MEI4: variants seen among roughly 807,000 people sequenced by gnomAD.
MEI4 encodes the protein meiosis-specific protein MEI4.
A neutral mutation model predicts 31.4 loss-of-function variants in MEI4; 27 were observed. The observed-to-expected ratio is 0.86, with a 90% CI of 0.63 to 1.19. The LOEUF is 1.19. Among genes scored for constraint, MEI4 ranks in the 50% most tolerant of loss-of-function variants. The probability of loss-of-function intolerance (pLI) is 0.00; values close to 1 mark genes in which losing one functional copy is unlikely to be tolerated. For synonymous variants in MEI4, 122 were observed against 145.4 expected, an observed-to-expected ratio of 0.84 and a Z score of 1.16; for missense variants, 329 against 398.9, an observed-to-expected ratio of 0.82 and a Z score of 1.49.
chr6:77,812,195 G>GA (rs1769588851), intron 3 of MEI4, among the ~76,000 whole-genome samples: 1 of 151,904 alleles, frequency 6.6e-6, no homozygotes, highest in African/African-American at 2.4e-5. Context: ...AATGATTCTT[G>GA]AAAAGTTAGA....
chr6:77,765,391 C>T (rs1768145380), intron 3 of MEI4, among the ~76,000 whole-genome samples: 1 of 150,446 alleles, frequency 6.6e-6, no homozygotes, highest in Non-Finnish European at 1.5e-5. Flanking sequence ...AACTTAAATA[C>T]CATCAGCTGA....
At chr6:77,856,233 A>C (rs7758361) in intron 4 of MEI4, among the ~76,000 whole-genome samples, 25 of 152,040 alleles carry the variant, frequency 1.6e-4, no homozygotes, top group African/African-American at 6.0e-4. Context: ...CACAGTGTAC[A>C]CTTAAGTACA....
intron 3 of MEI4, among the ~76,000 whole-genome samples, chr6:77,779,382 G>A (rs911166327): frequency 6.6e-6 from 1 of 152,140 alleles, no homozygotes; most frequent in African/African-American, 2.4e-5. Flanking sequence ...GTGATAACCA[G>A]ATAATTTAGT....
intron 4 of MEI4, among the ~76,000 whole-genome samples, chr6:77,889,741 A>G (rs1327445389): frequency 6.6e-6 from 1 of 152,194 alleles, no homozygotes; most frequent in African/African-American, 2.4e-5. Context: ...CCTAGAAGAG[A>G]AAAATGGTTT....
chr6:77,817,916 G>T (rs1367709081), intron 3 of MEI4, among the ~76,000 whole-genome samples: 1 of 152,156 alleles, frequency 6.6e-6, no homozygotes, highest in Admixed American at 6.5e-5. Context: ...CTTAGGCAGT[G>T]TCTTACTTCT....
chr6:77,678,471 G>C lies in MEI4; in HGVS notation c.-14-12187G>C, dbSNP rs148379674. On this transcript the variant is annotated intron_variant, in intron 1 of 4. Coordinates refer to ENST00000684080, the MANE Select transcript of MEI4 (RefSeq NM_001322247.2). ...CCTGCATAACAATGTTTCAGTCAAT[G>C]ACAGAGTGCATTTACAGGGGTGGTC... Among the ~76,000 whole-genome samples, 32 of 152,130 alleles carry C rather than the reference G, an allele frequency of 2.1e-4. No homozygotes were observed. The East Asian group carries it at 6.2e-3, about 29-fold the overall frequency.
intron 3 of MEI4, among the ~76,000 whole-genome samples, chr6:77,787,942 A>G (rs1768791704): frequency 6.6e-6 from 1 of 152,172 alleles, no homozygotes; most frequent in African/African-American, 2.4e-5. Flanking sequence ...GATGTTCATC[A>G]GGGATATTGG....
At chr6:77,897,744 A>G (rs1766113874) in intron 4 of MEI4, among the ~76,000 whole-genome samples, 1 of 151,938 alleles carries the variant, frequency 6.6e-6, no homozygotes, top group African/African-American at 2.4e-5. Context: ...AAATGGATTA[A>G]TACTTACTGA....
At chr6:77,889,126 A>G (rs371505324) in intron 4 of MEI4, among the ~76,000 whole-genome samples, 4 of 152,140 alleles carry the variant, frequency 2.6e-5, no homozygotes, top group Non-Finnish European at 4.4e-5. Context: ...AGAGAGTGGG[A>G]TGCTGTTGTA....
At chr6:77,805,813 A>G (rs1769416718) in intron 3 of MEI4, among the ~76,000 whole-genome samples, 1 of 151,872 alleles carries the variant, frequency 6.6e-6, no homozygotes, top group Non-Finnish European at 1.5e-5. Flanking sequence ...GAACAGAAAA[A>G]TAATCATTTC....
chr6:77,828,176 C>A (rs928211887), intron 3 of MEI4, among the ~76,000 whole-genome samples: 7 of 151,852 alleles, frequency 4.6e-5, no homozygotes, highest in African/African-American at 1.7e-4. Flanking sequence ...ATTCAGGGGT[C>A]CCTCAGTAAG....
chr6:77,849,385 C>A (rs796068691), intron 4 of MEI4, among the ~76,000 whole-genome samples: 6 of 152,140 alleles, frequency 3.9e-5, no homozygotes, highest in African/African-American at 1.2e-4. Context: ...TTCAGGTCAG[C>A]TGAAGGTAGT....
At chr6:77,763,532 C>G (rs1013556929) in intron 3 of MEI4, among the ~76,000 whole-genome samples, 2 of 152,194 alleles carry the variant, frequency 1.3e-5, no homozygotes, top group South Asian at 4.1e-4. Context: ...TGTTCTTCTA[C>G]TGTTGACCAA....
intron 3 of MEI4, among the ~76,000 whole-genome samples, chr6:77,812,499 G>A (rs1769597355): frequency 6.6e-6 from 1 of 152,122 alleles, no homozygotes; most frequent in Admixed American, 6.6e-5. Flanking sequence ...TATGCTTAGA[G>A]TGTTCTGTAG....
chr6:77,727,307 C>T lies in MEI4; in HGVS notation c.233-33823C>T, dbSNP rs778820920. On this transcript the variant is annotated intron_variant, in intron 2 of 4. Transcript: ENST00000684080. ...TTATGGCCTATATTATAATCTTCAGCGCTTTGGAGAAACACTATCATTTGT... is the reference window on the plus strand; with the variant it reads ...TTATGGCCTATATTATAATCTTCAGTGCTTTGGAGAAACACTATCATTTGT... Among the ~76,000 whole-genome samples the T allele has an allele frequency of 9.2e-5, 14 of 152,218 alleles. 1 individual carries two copies. The highest frequency in any genetic ancestry group is 2.6e-4 in the Admixed American group (4 of 15,290).
intron 1 of MEI4, among the ~76,000 whole-genome samples, chr6:77,660,315 G>A (rs1581996970): frequency 6.6e-6 from 1 of 152,136 alleles, no homozygotes; most frequent in East Asian, 1.9e-4. Flanking sequence ...TAAAAGTAAA[G>A]AATAGAACTT....
At chr6:77,784,318 C>T (rs564905277) in intron 3 of MEI4, among the ~76,000 whole-genome samples, 12 of 152,154 alleles carry the variant, frequency 7.9e-5, no homozygotes, top group Admixed American at 2.6e-4. Flanking sequence ...TAGTGATCAC[C>T]GGTCTCTCAA....
intron 3 of MEI4, among the ~76,000 whole-genome samples, chr6:77,797,746 C>G (rs1190349285): frequency 6.6e-6 from 1 of 152,154 alleles, no homozygotes; most frequent in African/African-American, 2.4e-5. Context: ...CTTCTTACAC[C>G]TGCTTTGTTC....
intron 3 of MEI4, among the ~76,000 whole-genome samples, chr6:77,770,391 A>T (rs1248044249): frequency 6.6e-6 from 1 of 152,138 alleles, no homozygotes; most frequent in African/African-American, 2.4e-5. Flanking sequence ...AATGGAAAAC[A>T]TCCAATGCTC....
Sources: allele counts gnomAD v4.1 joint callset (sites outside exome capture counted in the v4.1 genomes callset), GRCh38; gene constraint gnomAD v4.1.1; transcripts MANE v1.5; gene names NCBI Gene and HGNC (gene_info 2026-07-23, HGNC 2026-07-21).